Variants in KLHL32 observed in about 807,000 individuals in gnomAD.
The protein encoded by KLHL32 is kelch-like protein 32.
In KLHL32, 35 loss-of-function variants were observed where a neutral mutation model predicts 64.8. That is an observed-to-expected ratio of 0.54 (90% CI 0.41 to 0.72). The LOEUF is 0.72. Ranked by LOEUF, KLHL32 falls within the 30% of genes least tolerant of loss-of-function variation. The pLI, the probability that KLHL32 is intolerant of heterozygous loss-of-function variation, is 0.00. For missense variants in KLHL32, 589 were observed against 768.5 expected (o/e 0.77, Z 2.76); for synonymous variants, 259 against 281.0 (o/e 0.92, Z 0.78).
chr6:97,009,063 C>A lies in KLHL32; in HGVS notation c.205-32429C>A, dbSNP rs542687785. On this transcript the variant is annotated intron_variant, in intron 3 of 10. Transcript: ENST00000369261. Reference sequence around the variant, plus strand: ...GCTTTATATCATTAAGTTTTATATTCTTCTCCAATTGTAAAAGCAGGTGAG... The same window carrying A: ...GCTTTATATCATTAAGTTTTATATTATTCTCCAATTGTAAAAGCAGGTGAG... 9.9e-5 allele frequency among the ~76,000 whole-genome samples: 15 copies of A among 151,852 alleles called. No individual in the cohort carries two copies. The East Asian group carries it at 2.9e-3, about 29-fold the overall frequency.
chr6:97,086,897 T>A (rs55671995), intron 6 of KLHL32, among the ~76,000 whole-genome samples: 6,175 of 152,296 alleles, frequency 0.041, 421 homozygotes, highest in African/African-American at 0.14. Flanking sequence ...GCATTTAATT[T>A]TTTCTAACTG....
intron 1 of KLHL32, among the ~76,000 whole-genome samples, chr6:96,938,990 G>A (rs1375447206): frequency 6.6e-6 from 1 of 152,108 alleles, no homozygotes; most frequent in Middle Eastern, 3.2e-3. Context: ...CAGGATTACT[G>A]CTCTATGGAT....
At chr6:96,984,398 G>A (rs949248658) in intron 3 of KLHL32, among the ~76,000 whole-genome samples, 5 of 152,216 alleles carry the variant, frequency 3.3e-5, no homozygotes, top group African/African-American at 9.6e-5. Context: ...TATTAGGTCC[G>A]CTTGGTGCAG....
chr6:97,093,809 A>G (rs190365090), intron 6 of KLHL32, among the ~76,000 whole-genome samples: 1 of 152,322 alleles, frequency 6.6e-6, no homozygotes, highest in East Asian at 1.9e-4. Context: ...GTGTAGTATA[A>G]AGCAGGAAAT....
the KLHL32 span, among the ~76,000 whole-genome samples, chr6:96,910,756 A>G: frequency 1.3e-5 from 2 of 152,216 alleles, no homozygotes; most frequent in East Asian, 3.9e-4. Context: ...TAATAAGAAT[A>G]TGATTTTAAT....
intron 8 of KLHL32, among the ~76,000 whole-genome samples, chr6:97,128,113 C>T (rs774042205): frequency 1.6e-4 from 25 of 152,122 alleles, no homozygotes; most frequent in South Asian, 4.1e-4. Context: ...TTGATTATGA[C>T]GGTATTCCAA....
At chr6:96,926,100 A>T (rs1769125626) in intron 1 of KLHL32, among the ~76,000 whole-genome samples, 1 of 152,206 alleles carries the variant, frequency 6.6e-6, no homozygotes, top group Non-Finnish European at 1.5e-5. Context: ...CAGTACTTGA[A>T]GGCATCAGCA....
At chr6:96,958,615 G>C (rs1773532453) in intron 1 of KLHL32, among the ~76,000 whole-genome samples, 1 of 152,174 alleles carries the variant, frequency 6.6e-6, no homozygotes, top group African/African-American at 2.4e-5. Context: ...GCTTTAAGTA[G>C]GGCAGTGAGA....
At chr6:97,070,613 G>A (rs746248286) in intron 5 of KLHL32, among the ~76,000 whole-genome samples, 17 of 152,166 alleles carry the variant, frequency 1.1e-4, no homozygotes, top group Non-Finnish European at 2.4e-4. Flanking sequence ...ATCTTCGTTT[G>A]TGAGGATTTT....
At chr6:97,019,834 C>T (rs950353653) in intron 3 of KLHL32, among the ~76,000 whole-genome samples, 1 of 152,068 alleles carries the variant, frequency 6.6e-6, no homozygotes, top group Non-Finnish European at 1.5e-5. Flanking sequence ...GGCTGGAGTG[C>T]AGTGGCGCGA....
chr6:96,898,242 G>A, the KLHL32 span, among the ~76,000 whole-genome samples: 1 of 152,220 alleles, frequency 6.6e-6, no homozygotes, highest in African/African-American at 2.4e-5. Context: ...AATCAAAGTC[G>A]TAAGGAAGTT....
intron 3 of KLHL32, among the ~76,000 whole-genome samples, chr6:97,039,664 A>T (rs1299535362): frequency 1.4e-5 from 2 of 142,074 alleles, no homozygotes; most frequent in Non-Finnish European, 3.0e-5. Context: ...TACTAAAAAT[A>T]CAAAAATTAG....
intron 3 of KLHL32, among the ~76,000 whole-genome samples, chr6:97,012,885 AT>A (rs1562242242): frequency 6.6e-6 from 1 of 152,114 alleles, no homozygotes; most frequent in Non-Finnish European, 1.5e-5. Flanking sequence ...CTTTATTATT[AT>A]TGTTATTGTT....
chr6:97,040,210 A>G (rs35187199), intron 3 of KLHL32, among the ~76,000 whole-genome samples: 3,605 of 152,272 alleles, frequency 0.024, 68 homozygotes, highest in Non-Finnish European at 0.035. Context: ...CTCAGGGAAC[A>G]GTTCCCACAA....
intron 3 of KLHL32, among the ~76,000 whole-genome samples, chr6:96,984,109 C>T (rs1776700554): frequency 6.6e-6 from 1 of 152,196 alleles, no homozygotes; most frequent in African/African-American, 2.4e-5. Flanking sequence ...CAAAGCACAT[C>T]TTTATTTCTG....
chr6:97,082,384 C>T (rs536705456), intron 5 of KLHL32, among the ~76,000 whole-genome samples: 39 of 152,014 alleles, frequency 2.6e-4, no homozygotes, highest in South Asian at 1.9e-3. Flanking sequence ...GAGGCCGAGG[C>T]GGGCGGATCA....
chr6:96,990,343 G>T (rs1177304332), intron 3 of KLHL32, among the ~76,000 whole-genome samples: 1 of 152,066 alleles, frequency 6.6e-6, no homozygotes, highest in Non-Finnish European at 1.5e-5. Flanking sequence ...TTTTATGGGG[G>T]TGGGGGTTAT....
At chr6:96,942,814 C>T (rs927929289) in intron 1 of KLHL32, among the ~76,000 whole-genome samples, 1 of 151,996 alleles carries the variant, frequency 6.6e-6, no homozygotes, top group African/African-American at 2.4e-5. Context: ...CCCTTTCTAC[C>T]TCCATCTCTA....
Position 97,113,919 on chromosome 6 carries a change from A to G in KLHL32, c.764A>G (p.Glu255Gly). 1 of 1,614,174 alleles carries G rather than the reference A, an allele frequency of 6.2e-7. No individual in the cohort carries two copies. ...ALSHPLVQASETATALVNEAL... is the reference protein window; with the variant it reads ...ALSHPLVQASGTATALVNEAL... Reference sequence around the variant, plus strand: ...TCCCACCCCCTTGTCCAAGCAAGTGAGACTGCAACAGCCCTTGTCAACGAG... The same window carrying G: ...TCCCACCCCCTTGTCCAAGCAAGTGGGACTGCAACAGCCCTTGTCAACGAG... Residue 255 changes from glutamate (E) to glycine (G), a missense_variant, in exon 7 of 11, where the codon GAG becomes GGG. Glu to Gly is a moderately conservative substitution (Grantham distance 98). Around this residue, in one of 3 missense-constraint regions of KLHL32, gnomAD observed 226 missense variants for 353.2 expected, o/e 0.64. Transcript: ENST00000369261.
Sources: gnomAD v4.1 joint callset for allele counts (sites outside exome capture counted in the v4.1 genomes callset) on GRCh38, gnomAD v4.1.1 for gene constraint, gnomAD v4.1.1 regional missense constraint, MANE v1.5 for transcripts, NCBI Gene and HGNC (gene_info 2026-07-23, HGNC 2026-07-21) for gene names.